APOB: variants seen among roughly 807,000 people sequenced by gnomAD.
APOB encodes apolipoprotein B.
Under a neutral mutation model 314.1 loss-of-function variants are expected in APOB, and 153 were observed. The observed-to-expected ratio is 0.49, with a 90% confidence interval of 0.43 to 0.56. APOB has a LOEUF of 0.56. Ranked by LOEUF, APOB falls within the 20% of genes least tolerant of loss-of-function variation. The pLI, the probability that APOB is intolerant of heterozygous loss-of-function variation, is 0.00. For synonymous variants in APOB, 2,087 were observed against 2,036.4 expected (o/e 1.02, Z -0.67); for missense variants, 5,430 against 5,350.7 (o/e 1.01, Z -0.46).
At chr2:21,039,075 T>C (rs1664073968) in intron 4 of APOB, among the ~76,000 whole-genome samples, 1 of 152,228 alleles carries the variant, frequency 6.6e-6, no homozygotes. Flanking sequence ...CTTATGTGCC[T>C]ATCTTCACAC....
At chr2:21,027,409 G>T (rs1663758460) in intron 14 of APOB, among the ~76,000 whole-genome samples, 2 of 147,794 alleles carry the variant, frequency 1.4e-5, no homozygotes, top group South Asian at 4.2e-4. Context: ...AGCCTCCTGG[G>T]TTCACGCCAT....
chr2:21,034,767 G>A (rs766471141), intron 8 of APOB, 49 bp downstream of exon 8: 7 of 1,035,734 alleles, frequency 6.8e-6, no homozygotes, highest in Middle Eastern at 2.0e-4. Flanking sequence ...GCCATGATAG[G>A]CACATCTTGA....
Position 21,005,687 on chromosome 2 carries a change from A to G in APOB, c.11181T>C (p.Ala3727=), listed in dbSNP as rs145894110. 119 of 1,614,010 alleles carry G rather than the reference A, an allele frequency of 7.4e-5. No individual in the cohort carries two copies. In the African/African-American group the frequency reaches 1.5e-3, roughly 20 times the overall value. ...YSFSIPVKVL[A]DKFIIPGLKL... Reference sequence around the variant, plus strand: ...TCAGCCCAGGAATAATGAATTTATCAGCCAAAACTTTTACAGGGATGGAGA... The same window carrying G: ...TCAGCCCAGGAATAATGAATTTATCGGCCAAAACTTTTACAGGGATGGAGA... Residue 3727 remains alanine, a synonymous_variant, in exon 26 of 29, where the codon GCT becomes GCC. Transcript: ENST00000233242.
intron 3 of APOB, among the ~76,000 whole-genome samples, chr2:21,042,107 A>G (rs1050486238): frequency 6.6e-6 from 1 of 152,154 alleles, no homozygotes. Context: ...ATGGATTCCT[A>G]TTGCATCTGG....
intron 3 of APOB, among the ~76,000 whole-genome samples, chr2:21,041,730 A>G (rs557117914): frequency 1.3e-5 from 2 of 152,308 alleles, no homozygotes; most frequent in Non-Finnish European, 2.9e-5. Flanking sequence ...AAATAGCCCA[A>G]TGTGGCTCAT....
chr2:21,032,505 C>T lies in APOB; in HGVS notation c.1201G>A (p.Val401Met), dbSNP rs753592622. Residue 401 changes from valine (V) to methionine (M), a missense_variant, in exon 10 of 29, where the codon GTG (valine) becomes ATG (methionine). Physicochemically the swap from Val to Met is conservative, Grantham distance 21. Transcript: ENST00000233242. ...STHILQWLKR[V>M]HANPLLIDVV... ...TCTATCAGAAGGGGGTTGGCATGCA[C>T]ACGTTTCAGCCACTGGAGGATGTGA... The T allele has an allele frequency of 1.9e-6, 3 of 1,614,186 alleles. No homozygotes were observed. The highest frequency in any genetic ancestry group is 2.5e-6 in the Non-Finnish European group (3 of 1,180,040).
rs573286918 is a variant in APOB at position 21,011,926 on chromosome 2, C to T, written c.4942G>A (p.Gly1648Ser). The T allele has an allele frequency of 6.2e-7, 1 of 1,613,988 alleles. No individual in the cohort carries two copies. The highest frequency in any genetic ancestry group is 2.2e-5 in the East Asian group (1 of 44,878). Residue 1648 changes from glycine to serine, a missense_variant, in exon 26 of 29, where the codon GGC becomes AGC. Gly to Ser is a moderately conservative substitution (Grantham distance 56, BLOSUM62 0). Transcript: ENST00000233242. ...GCACTGGTAGATATTCCATCTTGGC[C>T]AATCCTTAGTGTCGCCTTGTGAGCA... ...SGAHKATLRI[G>S]QDGISTSATT...
intron 15 of APOB, 77 bp from the exon 16 acceptor site, chr2:21,025,201 T>A: frequency 7.0e-7 from 1 of 1,432,766 alleles, no homozygotes; most frequent in South Asian, 1.1e-5. Flanking sequence ...GTGGGACCTG[T>A]CTGATGCAGC....
chr2:21,040,325 C>T (rs549221403), intron 4 of APOB, among the ~76,000 whole-genome samples: 2 of 152,336 alleles, frequency 1.3e-5, no homozygotes, highest in South Asian at 2.1e-4. Flanking sequence ...TTTTCTGATG[C>T]TACCAAGTTA....
In APOB at chr2:21,003,160, A is replaced by G; in HGVS notation, c.12262T>C (p.Tyr4088His). ...TGVLYDYVNK[Y>H]HWEHTGLTLR... Reference sequence around the variant, plus strand: ...GTGAGCCCTGTGTGTTCCCAGTGGTACTTGTTGACATAATCATAAAGGACC... The same window carrying G: ...GTGAGCCCTGTGTGTTCCCAGTGGTGCTTGTTGACATAATCATAAAGGACC... Residue 4088 changes from tyrosine (Y) to histidine (H), a missense_variant, in exon 29 of 29, where the codon TAC (tyrosine) becomes CAC (histidine). Tyr to His is a moderately conservative substitution (Grantham distance 83, BLOSUM62 2). Coordinates refer to ENST00000233242, the MANE Select transcript of APOB (RefSeq NM_000384.3). The G allele has an allele frequency of 6.2e-7, 1 of 1,613,946 alleles. No individual in the cohort carries two copies. Among genetic ancestry groups the G allele is most frequent in the Non-Finnish European group, 8.5e-7 (1 of 1,179,904 alleles).
rs878931480 is a variant in APOB at position 21,004,448 on chromosome 2, A to G, written c.11908T>C (p.Trp3970Arg). Reference protein sequence around the residue: ...EDGKYEGLQEWEGKAHLNIKS... With the variant: ...EDGKYEGLQEREGKAHLNIKS... ...ATATTGAGGTGCGCTTTTCCTTCCCATTCCCTGAAAGCAGAAAAACAGATG... is the reference window on the plus strand; with the variant it reads ...ATATTGAGGTGCGCTTTTCCTTCCCGTTCCCTGAAAGCAGAAAAACAGATG... The change falls in exon 28 of 29, where the codon TGG becomes CGG. Residue 3970 changes from tryptophan (W) to arginine (R), a missense_variant. By Grantham distance (101) the Trp-to-Arg change is moderately radical. Around this residue, in one of 3 missense-constraint regions of APOB, gnomAD observed 3,281 missense variants for 3,171.0 expected, o/e 1.03. Coordinates refer to ENST00000233242, the MANE Select transcript of APOB (RefSeq NM_000384.3). 1.2e-6 allele frequency: 2 copies of G among 1,613,860 alleles called. No homozygotes were observed.
Position 21,002,038 on chromosome 2 carries a change from C to A in APOB, c.13384G>T (p.Gly4462Trp). Residue 4462 changes from glycine to tryptophan, a missense_variant, in exon 29 of 29, where the codon GGG becomes TGG. This residue lies in a region of APOB where 3,281 missense variants were observed against 3,171.0 expected (regional missense o/e 1.03). Coordinates refer to ENST00000233242, the MANE Select transcript of APOB (RefSeq NM_000384.3). Reference protein sequence around the residue: ...LSILTDPDGKGKEKIAELSAT... With the variant: ...LSILTDPDGKWKEKIAELSAT... ...GAAAGCTCTGCAATCTTCTCTTTCC[C>A]TTTTCCATCTGGATCGGTAAGGATG... The A allele has an allele frequency of 6.2e-7, 1 of 1,613,978 alleles. No individual in the cohort carries two copies.
rs1250764910 is a variant in APOB, at chr2:21,010,671, A to C, written c.6197T>G (p.Val2066Gly). The C allele has an allele frequency of 6.2e-7, 1 of 1,614,112 alleles. No homozygotes were observed. The highest frequency in any genetic ancestry group is 1.7e-5 in the Admixed American group (1 of 60,000). Residue 2066 changes from valine (V) to glycine (G), a missense_variant, in exon 26 of 29, where the codon GTT becomes GGT. Around this residue, in one of 3 missense-constraint regions of APOB, gnomAD observed 3,281 missense variants for 3,171.0 expected, o/e 1.03. Coordinates refer to ENST00000233242, the MANE Select transcript of APOB (RefSeq NM_000384.3). ...AAAAAATGGGAGGTTAATGGAGTGA[A>C]CATCTTGGTTTTTATCATACTTTAC... ...AFVKYDKNQDVHSINLPFFET... is the reference protein window; with the variant it reads ...AFVKYDKNQDGHSINLPFFET...
At chr2:21,017,961 A>T (rs1459976379) in intron 20 of APOB, among the ~76,000 whole-genome samples, 1 of 151,858 alleles carries the variant, frequency 6.6e-6, no homozygotes, top group Non-Finnish European at 1.5e-5. Flanking sequence ...TCCCTATATA[A>T]TTTTTTTTCC....
At chr2:21,016,300 A>T in intron 21 of APOB, 139 bp downstream of exon 21, 1 of 617,246 alleles carries the variant, frequency 1.6e-6, no homozygotes, top group Non-Finnish European at 2.9e-6. Flanking sequence ...AAAAAAAAAA[A>T]TTGTTGAGGG....
intron 20 of APOB, among the ~76,000 whole-genome samples, chr2:21,016,998 TA>T (rs1369293854): frequency 0.019 from 2,301 of 119,966 alleles, 63 homozygotes; most frequent in African/African-American, 0.068. Context: ...AATAAATAAA[TA>T]AATAAATAAA....
chr2:21,015,675 T>A (rs1663447433), intron 21 of APOB, 130 bp from the exon 22 acceptor site: 1 of 946,508 alleles, frequency 1.1e-6, no homozygotes, highest in Non-Finnish European at 1.6e-6. Context: ...CAGCCACAGA[T>A]CAAACTCATC....
rs748248857 is a variant in APOB, at chr2:21,008,078, T to C, written c.8790A>G (p.Lys2930=). The change falls in exon 26 of 29, where the codon AAA becomes AAG. Residue 2930 remains lysine, a synonymous_variant. Coordinates refer to ENST00000233242, the MANE Select transcript of APOB (RefSeq NM_000384.3). The part of the protein sequence containing the change: ...AWTSSGKGSW[K]WACPRFSDEG... ...CATCTGAGAATCTGGGGCAGGCCCA[T>C]TTCCATGACCCTTTTCCAGAAGAAG... The C allele has an allele frequency of 6.2e-7, 1 of 1,614,098 alleles. No homozygotes were observed. The highest frequency in any genetic ancestry group is 1.1e-5 in the South Asian group (1 of 91,076).
chr2:21,023,839 A>T, intron 16 of APOB, 147 bp from the exon 17 acceptor site: 1 of 631,688 alleles, frequency 1.6e-6, no homozygotes, highest in Non-Finnish European at 2.6e-6. Context: ...TAGTTTGATA[A>T]ATAAAGATCA....
Sources: gnomAD v4.1 joint callset for allele counts (sites outside exome capture counted in the v4.1 genomes callset) on GRCh38, gnomAD v4.1.1 for gene constraint, gnomAD v4.1.1 regional missense constraint, MANE v1.5 for transcripts, NCBI Gene and HGNC (gene_info 2026-07-23, HGNC 2026-07-21) for gene names.